RBBP6: variants seen among roughly 807,000 people sequenced by gnomAD.
RBBP6 encodes the protein E3 ubiquitin-protein ligase RBBP6.
RBBP6 carries 25 observed loss-of-function variants against 167.7 expected under a neutral mutation model. The observed-to-expected ratio is 0.15, with a 90% confidence interval of 0.11 to 0.21. RBBP6 has a LOEUF of 0.21. RBBP6 is among the 10% of genes least tolerant of loss of function. The pLI, the probability that RBBP6 is intolerant of heterozygous loss-of-function variation, is 1.00. For synonymous variants in RBBP6, 789 were observed against 735.8 expected, an observed-to-expected ratio of 1.07 and a Z score of -1.17; for missense variants, 1,868 against 2,134.2, an observed-to-expected ratio of 0.88 and a Z score of 2.46.
rs1285888084 is a variant in RBBP6, at chr16:24,568,772, G to A, written c.2082G>A (p.Ser694=). The part of the protein sequence containing the change: ...SRSKSPYSGS[S]YSRSSYTYSK... Reference sequence around the variant, plus strand: ...CTAAATCTCCCTATAGTGGTTCTTCGTATTCAAGAAGTTCATATACTTATT... The same window carrying A: ...CTAAATCTCCCTATAGTGGTTCTTCATATTCAAGAAGTTCATATACTTATT... Residue 694 remains serine, a synonymous_variant, in exon 17 of 18, where the codon TCG becomes TCA. Transcript: ENST00000319715. 9.9e-6 allele frequency: 16 copies of A among 1,613,882 alleles called. No individual in the cohort carries two copies. Among genetic ancestry groups the A allele is most frequent in the East Asian group, 2.2e-5 (1 of 44,882 alleles).
Position 24,571,415 on chromosome 16 carries a change from C to G in RBBP6, c.4349C>G (p.Ala1450Gly), listed in dbSNP as rs756889695. 1.2e-6 allele frequency: 2 copies of G among 1,613,678 alleles called. No individual in the cohort carries two copies. The highest frequency in any genetic ancestry group is 8.5e-7 in the Non-Finnish European group (1 of 1,179,942). The change falls in exon 18 of 18, where the codon GCT (alanine) becomes GGT (glycine). Residue 1450 changes from alanine (A) to glycine (G), a missense_variant. Ala to Gly is a moderately conservative substitution (Grantham distance 60). Coordinates refer to ENST00000319715, the MANE Select transcript of RBBP6 (RefSeq NM_006910.5). Reference sequence around the variant, plus strand: ...AGTCTGTCTCAATCTTCCAAAGAGGCTAGAACGTCAGATAAACATGATTCC... The same window carrying G: ...AGTCTGTCTCAATCTTCCAAAGAGGGTAGAACGTCAGATAAACATGATTCC... ...FKSLSQSSKE[A>G]RTSDKHDSTR...
chr16:24,569,949 A>G lies in RBBP6; in HGVS notation c.3259A>G (p.Thr1087Ala). 1 of 1,601,000 alleles carries G rather than the reference A, an allele frequency of 6.2e-7. No homozygotes were observed. The highest frequency in any genetic ancestry group is 8.5e-7 in the Non-Finnish European group (1 of 1,176,950). The change falls in exon 17 of 18, where the codon ACC (threonine) becomes GCC (alanine). Residue 1087 changes from threonine (T) to alanine (A), a missense_variant. Thr to Ala is a moderately conservative substitution (Grantham distance 58). Transcript: ENST00000319715. ...TCAGAAGGATGAAAAAATCACTGGAACCCCCAGAAAAGCTCACTCTAAATC... is the reference window on the plus strand; with the variant it reads ...TCAGAAGGATGAAAAAATCACTGGAGCCCCCAGAAAAGCTCACTCTAAATC... ...SSQKDEKITG[T>A]PRKAHSKSAK...
chr16:24,568,527 T>C (rs1278829185), intron 16 of RBBP6, among the ~76,000 whole-genome samples: 2 of 152,240 alleles, frequency 1.3e-5, no homozygotes, highest in Non-Finnish European at 2.9e-5. Flanking sequence ...TTCACTCTAA[T>C]TGTTAAGACT....
At chr16:24,559,019 C>T (rs1898985390) in intron 7 of RBBP6, among the ~76,000 whole-genome samples, 1 of 152,114 alleles carries the variant, frequency 6.6e-6, no homozygotes, top group Non-Finnish European at 1.5e-5. Context: ...CGTCTTGTGG[C>T]ATTTACTCCA....
intron 3 of RBBP6, among the ~76,000 whole-genome samples, chr16:24,551,430 G>T (rs1898792199): frequency 6.6e-6 from 1 of 151,552 alleles, no homozygotes; most frequent in Non-Finnish European, 1.5e-5. Flanking sequence ...CTTGCTATAT[G>T]TAGGAAACAT....
At chr16:24,544,265 A>G (rs1224192540) in intron 1 of RBBP6, among the ~76,000 whole-genome samples, 1 of 152,160 alleles carries the variant, frequency 6.6e-6, no homozygotes, top group African/African-American at 2.4e-5. Flanking sequence ...CCATGCTCTC[A>G]GTTTTTCTGA....
intron 14 of RBBP6, among the ~76,000 whole-genome samples, chr16:24,565,907 AAAAAT>A (rs1450993987): frequency 6.6e-6 from 1 of 152,188 alleles, no homozygotes; most frequent in African/African-American, 2.4e-5. Context: ...TCTCTACCAA[AAAAAT>A]AAAATAACCA....
intron 1 of RBBP6, among the ~76,000 whole-genome samples, chr16:24,542,678 G>A (rs903514348): frequency 2.6e-5 from 4 of 152,124 alleles, no homozygotes; most frequent in Admixed American, 6.5e-5. Context: ...GGCCAGGCTG[G>A]TCTCGAACTC....
intron 8 of RBBP6, 91 bp from the exon 9 acceptor site, chr16:24,561,521 C>T (rs1441557795): frequency 2.8e-6 from 3 of 1,086,928 alleles, no homozygotes; most frequent in Non-Finnish European, 2.7e-6. Context: ...AGTAATGTAA[C>T]TGAACAAATG....
chr16:24,551,974 C>A (rs1434121919), intron 3 of RBBP6, among the ~76,000 whole-genome samples: 1 of 151,400 alleles, frequency 6.6e-6, no homozygotes, highest in Non-Finnish European at 1.5e-5. Context: ...AGGTTTTTTT[C>A]TACTTACCAC....
In RBBP6 at chr16:24,571,444, C is replaced by G. The variant is rs199686152; in HGVS notation, c.4378C>G (p.Arg1460Gly). The G allele has an allele frequency of 6.2e-7, 1 of 1,612,956 alleles. No homozygotes were observed. The highest frequency in any genetic ancestry group is 8.5e-7 in the Non-Finnish European group (1 of 1,179,764). Reference sequence around the variant, plus strand: ...AACGTCAGATAAACATGATTCCACTCGTGCTTCCTCAAATAAAGACTTCAC... The same window carrying G: ...AACGTCAGATAAACATGATTCCACTGGTGCTTCCTCAAATAAAGACTTCAC... ...ARTSDKHDSTRASSNKDFTPN... is the reference protein window; with the variant it reads ...ARTSDKHDSTGASSNKDFTPN... Residue 1460 changes from arginine to glycine, a missense_variant, in exon 18 of 18, where the codon CGT becomes GGT. Around this residue, in one of 7 missense-constraint regions of RBBP6, gnomAD observed 591 missense variants for 540.5 expected, o/e 1.09. Transcript: ENST00000319715.
intron 3 of RBBP6, among the ~76,000 whole-genome samples, chr16:24,551,590 A>G (rs1898796628): frequency 6.6e-6 from 1 of 151,786 alleles, no homozygotes; most frequent in Non-Finnish European, 1.5e-5. Context: ...ACATAATACT[A>G]ATAAGTTAGC....
chr16:24,547,470 TG>T (rs1443900288), intron 2 of RBBP6, among the ~76,000 whole-genome samples: 2 of 152,220 alleles, frequency 1.3e-5, no homozygotes, highest in African/African-American at 2.4e-5. Context: ...TGTTTTGTTT[TG>T]TTTTTTCCTG....
At chr16:24,562,316 G>T (rs1227056125) in intron 10 of RBBP6, among the ~76,000 whole-genome samples, 155 bp downstream of exon 10, 1 of 152,194 alleles carries the variant, frequency 6.6e-6, no homozygotes, top group African/African-American at 2.4e-5. Flanking sequence ...ATTGGGGGAA[G>T]AGGAAAACAA....
At chr16:24,557,488 G>T (rs1303500304) in intron 7 of RBBP6, among the ~76,000 whole-genome samples, 1 of 151,830 alleles carries the variant, frequency 6.6e-6, no homozygotes, top group Admixed American at 6.6e-5. Flanking sequence ...GTGTTCTTTG[G>T]ACTGCTGTTC....
intron 10 of RBBP6, 147 bp from the exon 11 acceptor site, chr16:24,563,052 C>G: frequency 1.7e-6 from 1 of 573,098 alleles, no homozygotes. Flanking sequence ...AAAGTTTCAG[C>G]CTTCTCTCAC....
intron 7 of RBBP6, among the ~76,000 whole-genome samples, chr16:24,557,965 A>AT (rs1239267976): frequency 1.3e-5 from 2 of 152,040 alleles, no homozygotes; most frequent in Non-Finnish European, 2.9e-5. Flanking sequence ...ACCCCCATCT[A>AT]TTTTTTATCA....
At chr16:24,566,909 C>T (rs984662599) in intron 14 of RBBP6, among the ~76,000 whole-genome samples, 4 of 152,002 alleles carry the variant, frequency 2.6e-5, no homozygotes, top group African/African-American at 4.8e-5. Flanking sequence ...ACAATATTTC[C>T]GTGTAGAGAA....
chr16:24,561,536 C>T, intron 8 of RBBP6, 76 bp from the exon 9 acceptor site: 1 of 1,224,932 alleles, frequency 8.2e-7, no homozygotes, highest in Non-Finnish European at 1.2e-6. Context: ...CAAATGTGGA[C>T]CATCCTTTTA....
Sources: allele counts gnomAD v4.1 joint callset (sites outside exome capture counted in the v4.1 genomes callset), GRCh38; gene constraint gnomAD v4.1.1; regional missense constraint gnomAD v4.1.1; transcripts MANE v1.5; gene names NCBI Gene and HGNC (gene_info 2026-07-23, HGNC 2026-07-21).